The following DCAF12 variants were observed in gnomAD, a reference collection of about 807,000 sequenced individuals.
DCAF12 encodes DDB1 and CUL4 associated factor 12.
A neutral mutation model predicts 52.8 loss-of-function variants in DCAF12; 28 were observed. The ratio of observed to expected loss-of-function variants is 0.53; its 90% confidence interval spans 0.39 to 0.73. DCAF12 has a LOEUF of 0.73. DCAF12 is among the 30% of genes least tolerant of loss of function. The probability of loss-of-function intolerance (pLI) is 0.00; values close to 1 mark genes in which losing one functional copy is unlikely to be tolerated. For missense variants in DCAF12, 425 were observed against 552.2 expected (o/e 0.77, Z 2.31); for synonymous variants, 196 against 215.5 (o/e 0.91, Z 0.79).
intron 8 of DCAF12, 126 bp from the exon 9 acceptor site, chr9:34,088,634 CAGG>C: frequency 3.8e-6 from 4 of 1,046,236 alleles, no homozygotes; most frequent in Non-Finnish European, 5.7e-6. Flanking sequence ...AACCTCATGT[CAGG>C]AGATTGGCTG....
chr9:34,117,089 CTAAGA>C (rs750676312), intron 2 of DCAF12, among the ~76,000 whole-genome samples: 2 of 152,196 alleles, frequency 1.3e-5, no homozygotes, highest in Non-Finnish European at 2.9e-5. Context: ...TACTAGCTAG[CTAAGA>C]TAAGTAATGG....
In DCAF12 at chr9:34,126,545, C is replaced by T; in HGVS notation, c.-114G>A. On this transcript the variant is annotated 5_prime_UTR_variant, in exon 1 of 9. Transcript: ENST00000361264. ...GCCGCGCACCTTAGTGCGCCCGGCC[C>T]GGAAAATGGCCCGGACCCGGAGCGG... 1 of 1,175,104 alleles carries T rather than the reference C, an allele frequency of 8.5e-7. No individual in the cohort carries two copies. The highest frequency in any genetic ancestry group is 1.6e-5 in the African/African-American group (1 of 63,342). The allele number at this position is 1,175,104 out of a possible 1,614,324, so 72.8% of individuals were successfully genotyped here. A position where few individuals can be genotyped will look rare whatever the true frequency, so the allele number is the denominator to read the frequency against.
chr9:34,111,828 A>C (rs931812956), intron 2 of DCAF12, among the ~76,000 whole-genome samples: 7 of 152,132 alleles, frequency 4.6e-5, no homozygotes, highest in Admixed American at 1.3e-4. Context: ...CCTTGGAGAA[A>C]AGAAAACTTG....
At position 34,088,434 on chromosome 9, in the gene DCAF12, G is replaced by GTAGCAGTGGGTGTAAACAGCAT. The variant is rs774708905; in HGVS notation, c.1256_1277dup (p.Tyr426Ter). 1 of 1,614,026 alleles carries GTAGCAGTGGGTGTAAACAGCAT rather than the reference G, an allele frequency of 6.2e-7. No individual in the cohort carries two copies. Among genetic ancestry groups the GTAGCAGTGGGTGTAAACAGCAT allele is most frequent in the Non-Finnish European group, 8.5e-7 (1 of 1,180,016 alleles). ...CAAAGAGTTTCGTTCCAGACGAGTC[G>GTAGCAGTGGGTGTAAACAGCAT]TAGCAGTGGGTGTAAACAGCATTGG... On this transcript the variant is annotated stop_gained and frameshift_variant, in exon 9 of 9. Coordinates refer to ENST00000361264, the MANE Select transcript of DCAF12 (RefSeq NM_015397.4). LOFTEE classifies it high-confidence loss of function.
chr9:34,120,990 C>T (rs1447099353), intron 2 of DCAF12, among the ~76,000 whole-genome samples: 3 of 152,048 alleles, frequency 2.0e-5, no homozygotes, highest in Non-Finnish European at 4.4e-5. Context: ...CCTGTCTCTA[C>T]TAAAAATACG....
chr9:34,101,442 GAATGC>G (rs1415134639), intron 4 of DCAF12, among the ~76,000 whole-genome samples: 1 of 150,970 alleles, frequency 6.6e-6, no homozygotes, highest in African/African-American at 2.4e-5. Flanking sequence ...GCCCAGGCTA[GAATGC>G]AATGGCACGA....
chr9:34,088,718 A>G (rs1423772996), intron 8 of DCAF12, among the ~76,000 whole-genome samples: 2 of 152,190 alleles, frequency 1.3e-5, no homozygotes, highest in African/African-American at 4.8e-5. Context: ...CAGCTGAAGA[A>G]TTGCTATACA....
chr9:34,093,302 G>A lies in DCAF12; in HGVS notation c.1008C>T (p.Ser336=), dbSNP rs899997639. The A allele has an allele frequency of 1.9e-6, 3 of 1,614,094 alleles. No individual in the cohort carries two copies. The highest frequency in any genetic ancestry group is 3.3e-5 in the Admixed American group (2 of 60,000). The part of the protein sequence containing the change: ...QPSYNVKSVC[S]RERGSGIRSV... ...GACTCTTACCACTGCCTCGCTCCCT[G>A]GAACAGACAGACTTGACGTTGTATG... Residue 336 remains serine, a synonymous_variant, in exon 7 of 9, where the codon TCC becomes TCT. Coordinates refer to ENST00000361264, the MANE Select transcript of DCAF12 (RefSeq NM_015397.4).
intron 4 of DCAF12, 39 bp from the exon 5 acceptor site, chr9:34,098,556 C>A: frequency 6.3e-7 from 1 of 1,586,066 alleles, no homozygotes; most frequent in Non-Finnish European, 8.6e-7. Flanking sequence ...GATGTACCCA[C>A]CCCTCTATGG....
At chr9:34,115,236 G>T (rs1829065908) in intron 2 of DCAF12, among the ~76,000 whole-genome samples, 1 of 151,842 alleles carries the variant, frequency 6.6e-6, no homozygotes, top group African/African-American at 2.4e-5. Flanking sequence ...AGGAGCAAAG[G>T]AGAGAGCCAA....
chr9:34,101,765 A>G (rs1413763397), intron 4 of DCAF12, among the ~76,000 whole-genome samples: 1 of 151,900 alleles, frequency 6.6e-6, no homozygotes, highest in African/African-American at 2.4e-5. Flanking sequence ...CTGTAATCCC[A>G]GCAACTTGGG....
chr9:34,100,150 T>C (rs1458352453), intron 4 of DCAF12, among the ~76,000 whole-genome samples: 2 of 151,326 alleles, frequency 1.3e-5, no homozygotes, highest in Admixed American at 1.3e-4. Context: ...TCCTCCTGCC[T>C]CAGCCTCCTG....
intron 2 of DCAF12, among the ~76,000 whole-genome samples, chr9:34,112,350 C>A (rs539101847): frequency 2.0e-4 from 31 of 152,286 alleles, no homozygotes; most frequent in African/African-American, 6.5e-4. Context: ...AATCCCAGTA[C>A]TTTGGGAGGC....
In DCAF12 at chr9:34,090,157, G is replaced by A. The variant is rs532968256; in HGVS notation, c.1025-567C>T. 5.3e-5 allele frequency among the ~76,000 whole-genome samples: 8 copies of A among 152,128 alleles called. No homozygotes were observed. The South Asian group carries it at 1.0e-3, about 20-fold the overall frequency. On this transcript the variant is annotated intron_variant, in intron 7 of 8. Transcript: ENST00000361264. ...TGGCTCGCTGCAACCTCTGCCTTCCGGGTTCAAGCGATTCTCCTGCCTTAG... is the reference window on the plus strand; with the variant it reads ...TGGCTCGCTGCAACCTCTGCCTTCCAGGTTCAAGCGATTCTCCTGCCTTAG...
At chr9:34,090,018 G>A (rs142367246) in intron 7 of DCAF12, 222 of 154,716 alleles carry the variant, frequency 1.4e-3, no homozygotes, top group African/African-American at 4.9e-3. Context: ...AGTCATCAAC[G>A]ATTCCTTATA....
Position 34,126,525 on chromosome 9 carries a change from G to T in DCAF12, c.-94C>A. On this transcript the variant is annotated 5_prime_UTR_variant, in exon 1 of 9. Transcript: ENST00000361264. ...GTCATATACTGGGCCCCGGGGCCGC[G>T]CACCTTAGTGCGCCCGGCCCGGAAA... 6.6e-6 allele frequency: 9 copies of T among 1,361,398 alleles called. No homozygotes were observed. Among genetic ancestry groups the T allele is most frequent in the Non-Finnish European group, 8.8e-6 (9 of 1,025,012 alleles). 84.3% of individuals were successfully genotyped at this position (1,361,398 alleles called of 1,614,324 possible).
intron 2 of DCAF12, among the ~76,000 whole-genome samples, chr9:34,123,752 T>A (rs563677159): frequency 6.6e-6 from 1 of 152,204 alleles, no homozygotes; most frequent in South Asian, 2.1e-4. Context: ...CTAAACACTA[T>A]GATGCACGTG....
rs1463770098 is a variant in DCAF12, at chr9:34,095,940, A to G, written c.861+776T>C. ...AAGGAGCCTCTCAGGAAGCTTATGC[A>G]ATAGGAAAGAATCACCCTGTCTTAC... On this transcript the variant is annotated intron_variant, in intron 6 of 8. Transcript: ENST00000361264. 3 of 152,290 alleles carry G rather than the reference A, an allele frequency of 2.0e-5. No homozygotes were observed. In the East Asian group the frequency reaches 5.8e-4, roughly 29 times the overall value. 9.4% of individuals were successfully genotyped at this position (152,290 alleles called of 1,614,324 possible). A position where few individuals can be genotyped will look rare whatever the true frequency, so the allele number is the denominator to read the frequency against.
rs1587729361 is a variant in DCAF12 at position 34,089,320 on chromosome 9, G to A, written c.1203+92C>T. ...GTGCCTCTTACTAGTGAAAAAGTAT[G>A]AGTAGATGGTGTGTCAGTGGGGGCT... On this transcript the variant is annotated intron_variant, in intron 8 of 8. Transcript: ENST00000361264. 2.9e-6 allele frequency: 4 copies of A among 1,358,672 alleles called. No individual in the cohort carries two copies. In the South Asian group the frequency reaches 5.8e-5, roughly 20 times the overall value. The allele number at this position is 1,358,672 out of a possible 1,614,324, so 84.2% of individuals were successfully genotyped here. A position where few individuals can be genotyped will look rare whatever the true frequency, so the allele number is the denominator to read the frequency against.
Sources: gnomAD v4.1 joint callset for allele counts (sites outside exome capture counted in the v4.1 genomes callset) on GRCh38, gnomAD v4.1.1 for gene constraint, MANE v1.5 for transcripts, NCBI Gene and HGNC (gene_info 2026-07-23, HGNC 2026-07-21) for gene names.